AFF1: variants seen among roughly 807,000 people sequenced by gnomAD.
AFF1 encodes ALF transcription elongation factor 1.
In AFF1, 48 loss-of-function variants were observed where a neutral mutation model predicts 121.7. The ratio of observed to expected loss-of-function variants is 0.39; its 90% CI spans 0.31 to 0.50. The LOEUF (loss-of-function observed/expected upper bound fraction) is 0.50. Ranked by LOEUF, AFF1 falls within the 20% of genes least tolerant of loss-of-function variation. AFF1 has a pLI of 0.76. For synonymous variants in AFF1, 613 were observed against 563.0 expected, an observed-to-expected ratio of 1.09 and a Z score of -1.26; for missense variants, 1,523 against 1,511.7, an observed-to-expected ratio of 1.01 and a Z score of -0.12.
chr4:87,035,820 TAAAG>T (rs1238096161), intron 2 of AFF1, among the ~76,000 whole-genome samples: 1 of 152,208 alleles, frequency 6.6e-6, no homozygotes, highest in Non-Finnish European at 1.5e-5. Context: ...GGGAATGAAT[TAAAG>T]GAAGAAAGCA....
At chr4:86,940,488 G>A (rs1398972528) in intron 1 of AFF1, among the ~76,000 whole-genome samples, 5 of 152,078 alleles carry the variant, frequency 3.3e-5, no homozygotes, top group South Asian at 4.1e-4. Context: ...TGCAACCTTC[G>A]CCTCCCAGGT....
At chr4:87,005,286 G>A (rs1311422915) in intron 2 of AFF1, among the ~76,000 whole-genome samples, 1 of 152,200 alleles carries the variant, frequency 6.6e-6, no homozygotes, top group Non-Finnish European at 1.5e-5. Flanking sequence ...GCCTACCCAT[G>A]TATGATTCTG....
At chr4:87,126,357 C>T in intron 14 of AFF1, 21 bp downstream of exon 14, 3 of 1,604,446 alleles carry the variant, frequency 1.9e-6, no homozygotes, top group Non-Finnish European at 2.6e-6. Flanking sequence ...GCGGCGGTCA[C>T]TCTGTAAGAT....
At chr4:87,074,498 A>C (rs1373640887) in intron 4 of AFF1, among the ~76,000 whole-genome samples, 1 of 152,210 alleles carries the variant, frequency 6.6e-6, no homozygotes, top group African/African-American at 2.4e-5. Context: ...ATAGTTAGGA[A>C]GTTGGTGAAT....
At chr4:86,963,489 G>A (rs753163618) in intron 2 of AFF1, among the ~76,000 whole-genome samples, 15 of 152,234 alleles carry the variant, frequency 9.9e-5, no homozygotes, top group African/African-American at 2.9e-4. Context: ...TAGCGCTTGC[G>A]TTCAGGTTAC....
At chr4:87,023,682 A>C (rs1560549084) in intron 2 of AFF1, among the ~76,000 whole-genome samples, 1 of 152,260 alleles carries the variant, frequency 6.6e-6, no homozygotes. Flanking sequence ...CATGTGATGA[A>C]GGTTAGGCCC....
chr4:87,112,508 AGTTCT>A (rs1446616938), intron 11 of AFF1, among the ~76,000 whole-genome samples: 1 of 152,202 alleles, frequency 6.6e-6, no homozygotes, highest in Non-Finnish European at 1.5e-5. Context: ...TAAGTTTCTT[AGTTCT>A]GTTCTGTTAG....
intron 2 of AFF1, among the ~76,000 whole-genome samples, chr4:87,019,120 G>A (rs1200294147): frequency 1.3e-5 from 2 of 152,208 alleles, no homozygotes. Flanking sequence ...CAAAGCCCAT[G>A]AAGGAAAACA....
intron 2 of AFF1, among the ~76,000 whole-genome samples, chr4:86,987,916 G>A (rs1228808521): frequency 6.7e-6 from 1 of 148,574 alleles, no homozygotes; most frequent in Admixed American, 6.8e-5. Context: ...TTGTGCCACT[G>A]CACTTCAGCT....
At chr4:87,048,337 T>C (rs1242902801) in intron 4 of AFF1, among the ~76,000 whole-genome samples, 3 of 152,154 alleles carry the variant, frequency 2.0e-5, no homozygotes, top group Admixed American at 6.5e-5. Context: ...AAAAAAAATA[T>C]TTCTTTTTCT....
At chr4:86,952,731 C>G (rs902599467) in intron 2 of AFF1, among the ~76,000 whole-genome samples, 6 of 147,586 alleles carry the variant, frequency 4.1e-5, no homozygotes, top group Non-Finnish European at 8.9e-5. Flanking sequence ...CTCTGTCCCT[C>G]AGGCTGGAGT....
intron 2 of AFF1, among the ~76,000 whole-genome samples, chr4:86,965,176 C>T (rs921516301): frequency 5.9e-5 from 9 of 152,374 alleles, no homozygotes; most frequent in Admixed American, 1.3e-4. Flanking sequence ...GTTGACTCAA[C>T]TGTTGAAAAC....
rs1027419933 is a variant in AFF1 at position 87,131,972 on chromosome 4, A to C, written c.3173+108A>C. 25 of 1,036,390 alleles carry C rather than the reference A, an allele frequency of 2.4e-5. No homozygotes were observed. The Admixed American group carries it at 3.5e-4, about 14-fold the overall frequency. 64.2% of individuals were successfully genotyped at this position (1,036,390 alleles called of 1,614,324 possible). A position where few individuals can be genotyped will look rare whatever the true frequency, so the allele number is the denominator to read the frequency against. ...CTTAATGTGAAAATTATGAAAAGCAAGTCAGTACTTTGGTCAAAAGGTTAA... is the reference window on the plus strand; with the variant it reads ...CTTAATGTGAAAATTATGAAAAGCACGTCAGTACTTTGGTCAAAAGGTTAA... On this transcript the variant is annotated intron_variant, in intron 18 of 20. Transcript: ENST00000395146.
intron 4 of AFF1, among the ~76,000 whole-genome samples, chr4:87,056,798 C>T (rs556904611): frequency 6.6e-5 from 10 of 152,324 alleles, no homozygotes; most frequent in Admixed American, 5.9e-4. Context: ...CGGAACTCTT[C>T]ATAATACATT....
At chr4:87,123,186 G>A (rs113543963) in intron 12 of AFF1, among the ~76,000 whole-genome samples, 6,028 of 152,170 alleles carry the variant, frequency 0.04, 394 homozygotes, top group African/African-American at 0.14. Flanking sequence ...GAGCCACCGC[G>A]CCCAGCCTAA....
intron 8 of AFF1, among the ~76,000 whole-genome samples, chr4:87,097,368 A>T (rs1724980752): frequency 1.3e-5 from 2 of 152,192 alleles, no homozygotes; most frequent in South Asian, 4.1e-4. Flanking sequence ...GGCAAAAGTC[A>T]CACCCTACCA....
At chr4:86,975,848 G>C (rs1002431046) in intron 2 of AFF1, among the ~76,000 whole-genome samples, 2 of 152,104 alleles carry the variant, frequency 1.3e-5, no homozygotes, top group Admixed American at 6.5e-5. Flanking sequence ...CTGTGAAGGG[G>C]GAAAAGCCCC....
intron 4 of AFF1, among the ~76,000 whole-genome samples, chr4:87,083,818 A>G (rs1723405903): frequency 6.6e-6 from 1 of 152,128 alleles, no homozygotes; most frequent in South Asian, 2.1e-4. Flanking sequence ...GCCAGAGTGC[A>G]GTGGCATGAT....
At chr4:87,069,271 CTTTTTTTTTT>C (rs753186809) in intron 4 of AFF1, among the ~76,000 whole-genome samples, 4 of 80,562 alleles carry the variant, frequency 5.0e-5, no homozygotes, top group South Asian at 4.7e-4. Flanking sequence ...TGTGTGGCCT[CTTTTTTTTTT>C]TTTTTTTTTT....
Sources: gnomAD v4.1 joint callset for allele counts (sites outside exome capture counted in the v4.1 genomes callset) on GRCh38, gnomAD v4.1.1 for gene constraint, MANE v1.5 for transcripts, NCBI Gene and HGNC (gene_info 2026-07-23, HGNC 2026-07-21) for gene names.